Variants in NLGN1 observed in about 807,000 individuals in gnomAD.
NLGN1 encodes the protein neuroligin 1, also known as neuroligin-1.
NLGN1 carries 12 observed loss-of-function variants against 65.5 expected under a neutral mutation model. That is an observed-to-expected ratio of 0.18 (90% CI 0.12 to 0.30). The LOEUF is 0.30. Among genes scored for constraint, NLGN1 ranks in the 10% least tolerant of loss-of-function variants. NLGN1 has a pLI of 1.00. For synonymous variants in NLGN1, 350 were observed against 359.5 expected (o/e 0.97, Z 0.30); for missense variants, 750 against 1,007.1 (o/e 0.74, Z 3.46).
chr3:173,903,843 C>G (rs1011734524), intron 4 of NLGN1, among the ~76,000 whole-genome samples: 1 of 152,154 alleles, frequency 6.6e-6, no homozygotes, highest in East Asian at 1.9e-4. Context: ...TTTCAGGGAG[C>G]TGTAAGGAGA....
chr3:174,248,132 G>A (rs1744131213), intron 4 of NLGN1, among the ~76,000 whole-genome samples: 1 of 152,126 alleles, frequency 6.6e-6, no homozygotes, highest in South Asian at 2.1e-4. Context: ...TGATAGAAAA[G>A]TAAAGGGACA....
At chr3:173,449,294 T>G (rs1285501575) in intron 2 of NLGN1, among the ~76,000 whole-genome samples, 1 of 152,170 alleles carries the variant, frequency 6.6e-6, no homozygotes, top group Non-Finnish European at 1.5e-5. Context: ...AAGAACATCT[T>G]TATTTCTGCC....
chr3:173,489,729 C>T (rs1349983468), intron 2 of NLGN1, among the ~76,000 whole-genome samples: 1 of 151,834 alleles, frequency 6.6e-6, no homozygotes, highest in Non-Finnish European at 1.5e-5. Flanking sequence ...TATGTCTCCA[C>T]ATCCTCTCCA....
intron 2 of NLGN1, among the ~76,000 whole-genome samples, chr3:173,585,998 T>C (rs1747375536): frequency 6.6e-6 from 1 of 152,220 alleles, no homozygotes; most frequent in Non-Finnish European, 1.5e-5. Context: ...AAAAGCATAT[T>C]ATTCTGAAGT....
intron 4 of NLGN1, among the ~76,000 whole-genome samples, chr3:174,051,881 A>C (rs1734964871): frequency 6.6e-6 from 1 of 152,036 alleles, no homozygotes; most frequent in Admixed American, 6.6e-5. Flanking sequence ...GTCTGAATAA[A>C]GATGTAACAC....
At chr3:174,281,193 A>C (rs1442831397) in exon 7 of NLGN1, 2 of 1,613,226 alleles carry the variant, frequency 1.2e-6, no homozygotes, top group East Asian at 4.5e-5. Context: ...TCCCAACACT[A>C]TACCAGGGAT....
chr3:173,820,112 G>A (rs1190036502), intron 4 of NLGN1, among the ~76,000 whole-genome samples: 1 of 151,254 alleles, frequency 6.6e-6, no homozygotes. Context: ...CCGGGAGGCG[G>A]AGCTTGCAGT....
chr3:173,635,858 A>T (rs1756489501), intron 3 of NLGN1, among the ~76,000 whole-genome samples: 1 of 152,182 alleles, frequency 6.6e-6, no homozygotes, highest in Admixed American at 6.6e-5. Flanking sequence ...TATGTTCAGT[A>T]AAATGAGACT....
At chr3:173,888,657 G>A (rs1734789444) in intron 4 of NLGN1, among the ~76,000 whole-genome samples, 1 of 152,020 alleles carries the variant, frequency 6.6e-6, no homozygotes. Flanking sequence ...ATAAACTTAT[G>A]ACATTTTATT....
intron 3 of NLGN1, among the ~76,000 whole-genome samples, chr3:173,657,594 C>A (rs1015457586): frequency 2.6e-5 from 4 of 151,782 alleles, no homozygotes; most frequent in African/African-American, 9.7e-5. Context: ...AATGTGAATG[C>A]TTTCTCCTTA....
chr3:173,927,381 A>G (rs1743203409), intron 4 of NLGN1, among the ~76,000 whole-genome samples: 1 of 152,044 alleles, frequency 6.6e-6, no homozygotes. Flanking sequence ...ATTTTTTAGT[A>G]TTTAAAAGTG....
chr3:173,935,620 A>T (rs868755040), intron 4 of NLGN1, among the ~76,000 whole-genome samples: 26 of 116,662 alleles, frequency 2.2e-4, no homozygotes, highest in African/African-American at 6.9e-4. Flanking sequence ...ACACACACAC[A>T]CACTCTCTCT....
intron 2 of NLGN1, among the ~76,000 whole-genome samples, chr3:173,467,262 T>C (rs975127038): frequency 3.9e-5 from 6 of 152,106 alleles, no homozygotes; most frequent in African/African-American, 1.2e-4. Flanking sequence ...GTCAAATATG[T>C]GCACTAGAAT....
intron 3 of NLGN1, among the ~76,000 whole-genome samples, chr3:173,634,882 A>T (rs1756329393): frequency 6.6e-6 from 1 of 152,096 alleles, no homozygotes; most frequent in African/African-American, 2.4e-5. Flanking sequence ...CTGTCAGGGA[A>T]GGATCCCTTG....
chr3:173,548,483 A>AT (rs11343702), intron 2 of NLGN1, among the ~76,000 whole-genome samples: 243 of 145,752 alleles, frequency 1.7e-3, no homozygotes, highest in African/African-American at 3.2e-3. Context: ...AGCACCTCAC[A>AT]TTTTTTTTTT....
At chr3:174,014,328 A>G (rs1726126009) in intron 4 of NLGN1, among the ~76,000 whole-genome samples, 1 of 152,296 alleles carries the variant, frequency 6.6e-6, no homozygotes, top group East Asian at 1.9e-4. Flanking sequence ...ACACCATTTT[A>G]ATGTTTTTAC....
At chr3:174,211,582 T>A in intron 4 of NLGN1, among the ~76,000 whole-genome samples, 1 of 44,162 alleles carries the variant, frequency 2.3e-5, no homozygotes, top group East Asian at 8.3e-4. Flanking sequence ...ATAAAGGTTC[T>A]CCACGTCCCC....
chr3:173,469,983 T>C (rs1725051258), intron 2 of NLGN1, among the ~76,000 whole-genome samples: 1 of 148,484 alleles, frequency 6.7e-6, no homozygotes, highest in African/African-American at 2.4e-5. Context: ...TAATTATATA[T>C]GATTATATAT....
chr3:173,589,485 G>A (rs758675125), intron 2 of NLGN1, among the ~76,000 whole-genome samples: 1 of 152,122 alleles, frequency 6.6e-6, no homozygotes, highest in East Asian at 1.9e-4. Context: ...ATAGACTAAT[G>A]TGTTTGCTTG....
Sources: gnomAD v4.1 joint callset for allele counts (sites outside exome capture counted in the v4.1 genomes callset) on GRCh38, gnomAD v4.1.1 for gene constraint, MANE v1.5 for transcripts, NCBI Gene and HGNC (gene_info 2026-07-23, HGNC 2026-07-21) for gene names.